The following MAP2 variants were observed in gnomAD, a reference collection of about 807,000 sequenced individuals.
The protein encoded by MAP2 is microtubule-associated protein 2.
In MAP2, 14 loss-of-function variants were observed where a neutral mutation model predicts 137.6. The observed-to-expected ratio is 0.10, with a 90% confidence interval of 0.07 to 0.16. The LOEUF (loss-of-function observed/expected upper bound fraction) is 0.16. Among genes scored for constraint, MAP2 ranks in the 10% least tolerant of loss-of-function variants. The pLI, the probability that MAP2 is intolerant of heterozygous loss-of-function variation, is 1.00. For missense variants in MAP2, 2,088 were observed against 2,191.5 expected (o/e 0.95, Z 0.94); for synonymous variants, 786 against 782.3 (o/e 1.00, Z -0.08).
intron 5 of MAP2, among the ~76,000 whole-genome samples, chr2:209,677,800 T>C (rs1421054664): frequency 6.6e-6 from 1 of 152,032 alleles, no homozygotes; most frequent in Admixed American, 6.6e-5. Context: ...TGATGTCATA[T>C]GGCTTTAAAG....
At chr2:209,555,758 CAA>C (rs2070412231) in intron 2 of MAP2, among the ~76,000 whole-genome samples, 1 of 152,102 alleles carries the variant, frequency 6.6e-6, no homozygotes, top group Non-Finnish European at 1.5e-5. Context: ...TCAAACATAT[CAA>C]AAGTCTAGCC....
At chr2:209,559,834 C>T (rs1488567589) in intron 2 of MAP2, among the ~76,000 whole-genome samples, 2 of 151,810 alleles carry the variant, frequency 1.3e-5, no homozygotes, top group Non-Finnish European at 2.9e-5. Context: ...ATTTTTTTTT[C>T]AAGGACTTCT....
At chr2:209,678,934 T>G (rs2053228464) in intron 6 of MAP2, among the ~76,000 whole-genome samples, 1 of 152,062 alleles carries the variant, frequency 6.6e-6, no homozygotes, top group Non-Finnish European at 1.5e-5. Flanking sequence ...GGCCCTTAAT[T>G]TTTTCATTTT....
chr2:209,694,519 G>A lies in MAP2; in HGVS notation c.2349G>A (p.Glu783=), dbSNP rs770677476. 1.5e-5 allele frequency: 24 copies of A among 1,614,078 alleles called. No individual in the cohort carries two copies. The South Asian group carries it at 2.4e-4, about 16-fold the overall frequency. ...KATGEESTQA[E]ISCESPFLAK... The stretch of plus-strand genomic sequence containing the variant: ...CTGGAGAAGAAAGTACTCAAGCGGA[G>A]ATATCATGTGAGTCTCCTTTCCTAG... The change falls in exon 8 of 16, where the codon GAG becomes GAA. Residue 783 remains glutamate, a synonymous_variant. Transcript: ENST00000682079.
chr2:209,598,646 G>A, intron 3 of MAP2, among the ~76,000 whole-genome samples: 1 of 145,394 alleles, frequency 6.9e-6, no homozygotes, highest in East Asian at 2.1e-4. Context: ...CCCTTCCTGT[G>A]TCCATGTGAC....
chr2:209,540,660 A>AAAGAAG (rs1382227656), intron 2 of MAP2, among the ~76,000 whole-genome samples: 12 of 129,264 alleles, frequency 9.3e-5, no homozygotes, highest in South Asian at 2.4e-4. Context: ...AAAAAAAAAA[A>AAAGAAG]AAGAAGAAAA....
intron 5 of MAP2, chr2:209,661,787 G>T: frequency 1.7e-6 from 1 of 581,094 alleles, no homozygotes; most frequent in South Asian, 7.6e-5. Context: ...TGATGAATAG[G>T]ATTTGAACCT....
chr2:209,490,605 CAAAAAAAAAAAA>C (rs59133937), intron 1 of MAP2, among the ~76,000 whole-genome samples: 3 of 5,562 alleles, frequency 5.4e-4, no homozygotes, highest in South Asian at 0.016. Context: ...AAATGGAAAG[CAAAAAAAAAAAA>C]AAAAAAAAAA....
chr2:209,695,305 A>C lies in MAP2; in HGVS notation c.3135A>C (p.Gln1045His). The C allele has an allele frequency of 6.2e-7, 1 of 1,614,048 alleles. No homozygotes were observed. The highest frequency in any genetic ancestry group is 8.5e-7 in the Non-Finnish European group (1 of 1,179,990). ...GTCTGGATTTTGCTGTCCAGGGTCAACTAGATGTTAAAATTAGTGACTTTG... is the reference window on the plus strand; with the variant it reads ...GTCTGGATTTTGCTGTCCAGGGTCACCTAGATGTTAAAATTAGTGACTTTG... ...EQGLDFAVQGQLDVKISDFGQ... is the reference protein window; with the variant it reads ...EQGLDFAVQGHLDVKISDFGQ... Residue 1045 changes from glutamine to histidine, a missense_variant, in exon 8 of 16, where the codon CAA becomes CAC. Coordinates refer to ENST00000682079, the MANE Select transcript of MAP2 (RefSeq NM_001375505.1).
intron 5 of MAP2, among the ~76,000 whole-genome samples, chr2:209,657,702 T>C (rs2041600023): frequency 1.3e-5 from 2 of 152,138 alleles, no homozygotes; most frequent in African/African-American, 4.8e-5. Context: ...TTTTCTCCCA[T>C]TCTGTGGGTT....
Position 209,733,492 on chromosome 2 carries a change from A to ACACACACACACACC in MAP2, c.*3096_*3097insACACACACACACCC, listed in dbSNP as rs1553701657. 2 of 150,472 alleles carry ACACACACACACACC rather than the reference A, an allele frequency of 1.3e-5. No individual in the cohort carries two copies. Among genetic ancestry groups the ACACACACACACACC allele is most frequent in the Admixed American group, 6.6e-5 (1 of 15,060 alleles). 9.3% of individuals were successfully genotyped at this position (150,472 alleles called of 1,614,324 possible). On this transcript the variant is annotated 3_prime_UTR_variant, in exon 16 of 16. Transcript: ENST00000682079. Reference sequence around the variant, plus strand: ...CACACACACACACACACACACACACACCTACAGTAATACAGCAAGCGTGGA... The same window carrying ACACACACACACACC: ...CACACACACACACACACACACACACACACACACACACACCCCTACAGTAATACAGCAAGCGTGGA...
rs2084922219 is a variant in MAP2, at chr2:209,606,805, A to G, written c.-106-18248A>G. The stretch of plus-strand genomic sequence containing the variant: ...TAAGTAACTGCATAATTAAATTTTC[A>G]TTTAAAGGAACAATAACCGCAGAAA... On this transcript the variant is annotated intron_variant, in intron 3 of 15. Transcript: ENST00000682079. 2.6e-5 allele frequency among the ~76,000 whole-genome samples: 4 copies of G among 152,312 alleles called. No homozygotes were observed. The South Asian group carries it at 8.3e-4, about 32-fold the overall frequency.
chr2:209,672,100 C>G (rs1051365511), intron 5 of MAP2, among the ~76,000 whole-genome samples: 2 of 151,868 alleles, frequency 1.3e-5, no homozygotes, highest in African/African-American at 2.4e-5. Flanking sequence ...ATCAGAAGAG[C>G]ATGGCAATGG....
chr2:209,507,125 A>G (rs1226014751), intron 1 of MAP2, among the ~76,000 whole-genome samples: 3 of 152,046 alleles, frequency 2.0e-5, no homozygotes, highest in African/African-American at 7.2e-5. Context: ...CCCACCTCCA[A>G]ATATCACATT....
chr2:209,511,110 T>C (rs2150254435), intron 2 of MAP2, among the ~76,000 whole-genome samples: 1 of 152,252 alleles, frequency 6.6e-6, no homozygotes, highest in Middle Eastern at 3.4e-3. Context: ...TATTGTGTGC[T>C]AGCTAGTGTA....
intron 4 of MAP2, among the ~76,000 whole-genome samples, chr2:209,626,569 G>T (rs2092352711): frequency 6.6e-6 from 1 of 152,130 alleles, no homozygotes; most frequent in Admixed American, 6.6e-5. Context: ...CATTCTTCCA[G>T]AGATGTCAAA....
At chr2:209,436,029 T>TATACATTATATATTATATATAAA (rs1163242576) in intron 1 of MAP2, among the ~76,000 whole-genome samples, 1 of 142,074 alleles carries the variant, frequency 7.0e-6, no homozygotes, top group Non-Finnish European at 1.5e-5. Flanking sequence ...ATATAAAATA[T>TATACATTATATATTATATATAAA]ATATATATGT....
At chr2:209,722,660 G>T (rs1172058832) in intron 13 of MAP2, among the ~76,000 whole-genome samples, 1 of 152,130 alleles carries the variant, frequency 6.6e-6, no homozygotes, top group African/African-American at 2.4e-5. Context: ...TCCAAAAGAT[G>T]CAAGGTTCAA....
chr2:209,635,806 C>G (rs2093506013), intron 4 of MAP2, among the ~76,000 whole-genome samples: 1 of 152,122 alleles, frequency 6.6e-6, no homozygotes, highest in African/African-American at 2.4e-5. Flanking sequence ...CGCATTTTCT[C>G]TTTGAGAGTA....
Sources: allele counts gnomAD v4.1 joint callset (sites outside exome capture counted in the v4.1 genomes callset), GRCh38; gene constraint gnomAD v4.1.1; transcripts MANE v1.5; gene names NCBI Gene and HGNC (gene_info 2026-07-23, HGNC 2026-07-21).